The following DCBLD2 variants were observed in gnomAD, a reference collection of about 807,000 sequenced individuals.
DCBLD2 encodes discoidin, CUB and LCCL domain-containing protein 2.
In DCBLD2, 54 loss-of-function variants were observed where a neutral mutation model predicts 86.8. That is an observed-to-expected ratio of 0.62 (90% CI 0.50 to 0.78). DCBLD2 has a LOEUF of 0.78. DCBLD2 is among the 30% of genes least tolerant of loss of function. The probability of loss-of-function intolerance (pLI) is 0.00; values close to 1 mark genes in which losing one functional copy is unlikely to be tolerated. For missense variants in DCBLD2, 908 were observed against 954.2 expected (o/e 0.95, Z 0.64); for synonymous variants, 354 against 341.3 (o/e 1.04, Z -0.41).
At chr3:98,892,280 T>C (rs1231616826) in intron 1 of DCBLD2, among the ~76,000 whole-genome samples, 1 of 152,102 alleles carries the variant, frequency 6.6e-6, no homozygotes, top group African/African-American at 2.4e-5. Flanking sequence ...AAAGGTTCAG[T>C]AAGAACTTCT....
At position 98,862,147 on chromosome 3, in the gene DCBLD2, T is replaced by C. The variant is rs545328049; in HGVS notation, c.434-12549A>G. ...GAAGAAATGGATAAGTTCCTGGACATGCACACCCTCCCAAGACTAAACCAG... is the reference window on the plus strand; with the variant it reads ...GAAGAAATGGATAAGTTCCTGGACACGCACACCCTCCCAAGACTAAACCAG... On this transcript the variant is annotated intron_variant, in intron 2 of 15. Coordinates refer to ENST00000326840, the MANE Select transcript of DCBLD2 (RefSeq NM_080927.4). Among the ~76,000 whole-genome samples the C allele has an allele frequency of 3.9e-5, 6 of 152,082 alleles. No homozygotes were observed. In the East Asian group the frequency reaches 9.7e-4, roughly 25 times the overall value.
chr3:98,901,054 T>G (rs1943839435), intron 1 of DCBLD2, 68 bp downstream of exon 1: 1 of 1,534,036 alleles, frequency 6.5e-7, no homozygotes. Flanking sequence ...GCAGATTTGT[T>G]CAGGGGCCAA....
chr3:98,844,859 G>A (rs1165717950), intron 3 of DCBLD2, among the ~76,000 whole-genome samples: 1 of 152,174 alleles, frequency 6.6e-6, no homozygotes, highest in Non-Finnish European at 1.5e-5. Context: ...AAGTCTGGCC[G>A]TGGTAGATGA....
At chr3:98,866,789 T>C (rs1943155230) in intron 2 of DCBLD2, among the ~76,000 whole-genome samples, 1 of 152,262 alleles carries the variant, frequency 6.6e-6, no homozygotes, top group South Asian at 2.1e-4. Flanking sequence ...CCCATGCCTA[T>C]GTCCTGAATG....
intron 2 of DCBLD2, among the ~76,000 whole-genome samples, chr3:98,873,979 T>C (rs1043481186): frequency 1.3e-5 from 2 of 152,220 alleles, no homozygotes; most frequent in East Asian, 1.9e-4. Flanking sequence ...ATGGCCAATA[T>C]ATTAGATCAC....
chr3:98,899,075 G>T (rs1252204998), intron 1 of DCBLD2, among the ~76,000 whole-genome samples: 1 of 89,930 alleles, frequency 1.1e-5, no homozygotes, highest in Admixed American at 1.5e-4. Context: ...AAGCAATTTA[G>T]AAGAACTAAA....
intron 2 of DCBLD2, among the ~76,000 whole-genome samples, chr3:98,852,117 T>C (rs1365192469): frequency 1.3e-5 from 2 of 152,230 alleles, no homozygotes; most frequent in East Asian, 3.8e-4. Context: ...TACCAATTTA[T>C]TCCCCTTCTC....
At chr3:98,827,837 A>G (rs1942248798) in intron 3 of DCBLD2, among the ~76,000 whole-genome samples, 1 of 152,208 alleles carries the variant, frequency 6.6e-6, no homozygotes, top group Admixed American at 6.5e-5. Flanking sequence ...GCTCCAGAAA[A>G]ATCCATCTGC....
intron 13 of DCBLD2, 28 bp downstream of exon 13, chr3:98,808,053 G>T (rs756131651): frequency 4.0e-6 from 6 of 1,485,616 alleles, no homozygotes; most frequent in Non-Finnish European, 5.4e-6. Context: ...GGTAGTTTTG[G>T]ACTCAGGTGA....
At chr3:98,822,980 T>C (rs1942150860) in intron 4 of DCBLD2, among the ~76,000 whole-genome samples, 1 of 152,164 alleles carries the variant, frequency 6.6e-6, no homozygotes, top group African/African-American at 2.4e-5. Flanking sequence ...CTCAGAGATT[T>C]TCCTGGCTCA....
intron 2 of DCBLD2, among the ~76,000 whole-genome samples, chr3:98,855,909 C>G (rs1309198124): frequency 6.6e-6 from 1 of 152,164 alleles, no homozygotes; most frequent in Non-Finnish European, 1.5e-5. Context: ...AATAAAACAT[C>G]TTGAAAAGGT....
At position 98,870,806 on chromosome 3, in the gene DCBLD2, A is replaced by AAAGAAAGGAAGG. The variant is rs1559794682; in HGVS notation, c.433+10733_433+10734insCCTTCCTTTCTT. Among the ~76,000 whole-genome samples, 223 of 123,370 alleles carry AAAGAAAGGAAGG rather than the reference A, an allele frequency of 1.8e-3. 1 individual carries two copies. The highest frequency in any genetic ancestry group is 8.0e-3 in the South Asian group (30 of 3,730). 80.9% of individuals were successfully genotyped at this position (123,370 alleles called of 152,430 possible). A position where few individuals can be genotyped will look rare whatever the true frequency, so the allele number is the denominator to read the frequency against. Reference sequence around the variant, plus strand: ...GAAAGAAAGAAAGAAAGAAAGAAAGAAAGAAAGGTAGGCAGGCATTGGTGG... The same window carrying AAAGAAAGGAAGG: ...GAAAGAAAGAAAGAAAGAAAGAAAGAAAGAAAGGAAGGAAGAAAGGTAGGCAGGCATTGGTGG... On this transcript the variant is annotated intron_variant, in intron 2 of 15. Transcript: ENST00000326840.
chr3:98,849,752 G>T (rs1469613154), intron 2 of DCBLD2, among the ~76,000 whole-genome samples, 154 bp from the exon 3 acceptor site: 1 of 152,114 alleles, frequency 6.6e-6, no homozygotes, highest in Non-Finnish European at 1.5e-5. Context: ...CAATCATATT[G>T]CTCTGGAGGA....
rs1300485403 is a variant in DCBLD2 at position 98,819,245 on chromosome 3, G to A, written c.1044C>T (p.Tyr348=). 4 of 1,604,482 alleles carry A rather than the reference G, an allele frequency of 2.5e-6. No homozygotes were observed. The highest frequency in any genetic ancestry group is 1.7e-5 in the Admixed American group (1 of 58,014). The stretch of plus-strand genomic sequence containing the variant: ...TATTCAAATCTATTTGTAACCACTG[G>A]TATTCATCAGTGGCAAAAGCAGCCC... ...PPWAAFATDE[Y]QWLQIDLNKE... The change falls in exon 8 of 16, where the codon TAC becomes TAT. Residue 348 remains tyrosine, a synonymous_variant. Coordinates refer to ENST00000326840, the MANE Select transcript of DCBLD2 (RefSeq NM_080927.4).
chr3:98,896,884 C>T (rs1943759605), intron 1 of DCBLD2, among the ~76,000 whole-genome samples: 1 of 152,138 alleles, frequency 6.6e-6, no homozygotes, highest in Admixed American at 6.5e-5. Context: ...CATTCCATAT[C>T]CTTCCAAATA....
At chr3:98,819,445 T>C (rs768320212) in intron 7 of DCBLD2, 28 bp from the exon 8 acceptor site, 1 of 1,612,574 alleles carries the variant, frequency 6.2e-7, no homozygotes, top group South Asian at 1.1e-5. Flanking sequence ...CTAAATTTGG[T>C]TTCCAGGTAT....
At chr3:98,874,139 C>T (rs1943325266) in intron 2 of DCBLD2, among the ~76,000 whole-genome samples, 1 of 152,178 alleles carries the variant, frequency 6.6e-6, no homozygotes, top group African/African-American at 2.4e-5. Flanking sequence ...GCTAAAATAG[C>T]TTCACAGAGT....
intron 13 of DCBLD2, among the ~76,000 whole-genome samples, chr3:98,803,619 T>C (rs1941771578): frequency 1.3e-5 from 2 of 152,234 alleles, no homozygotes; most frequent in Middle Eastern, 3.2e-3. Context: ...CCCTGTCTTG[T>C]GCCAGTTTTC....
chr3:98,835,540 A>G (rs1447050844), intron 3 of DCBLD2, among the ~76,000 whole-genome samples: 1 of 139,328 alleles, frequency 7.2e-6, no homozygotes. Context: ...TCCGTATGCT[A>G]TTTTTTTTTC....
Sources: gnomAD v4.1 joint callset for allele counts (sites outside exome capture counted in the v4.1 genomes callset) on GRCh38, gnomAD v4.1.1 for gene constraint, MANE v1.5 for transcripts, NCBI Gene and HGNC (gene_info 2026-07-23, HGNC 2026-07-21) for gene names.